MED12L: variants seen among roughly 807,000 people sequenced by gnomAD.
MED12L encodes the protein mediator complex subunit 12L, also known as mediator of RNA polymerase II transcription subunit 12-like protein.
In MED12L, 60 loss-of-function variants were observed where a neutral mutation model predicts 281.3. The observed-to-expected ratio is 0.21, with a 90% CI of 0.17 to 0.26. The LOEUF is 0.26. MED12L is among the 10% of genes least tolerant of loss of function. The pLI, the probability that MED12L is intolerant of heterozygous loss-of-function variation, is 1.00. For synonymous variants in MED12L, 974 were observed against 987.2 expected (o/e 0.99, Z 0.25); for missense variants, 2,146 against 2,680.9 (o/e 0.80, Z 4.41).
chr3:151,329,351 G>A (rs1750085575), intron 16 of MED12L: 5 of 613,902 alleles, frequency 8.1e-6, no homozygotes, highest in Non-Finnish European at 8.7e-6. Flanking sequence ...TCAGATTGCT[G>A]TAAATTATGT....
chr3:151,087,164 G>A (rs1719354635), intron 2 of MED12L, 139 bp downstream of exon 2: 2 of 683,268 alleles, frequency 2.9e-6, no homozygotes, highest in African/African-American at 3.8e-5. Context: ...GGCCAGGCTG[G>A]GGGTGCTGGG....
intron 16 of MED12L, among the ~76,000 whole-genome samples, chr3:151,333,741 A>G (rs1425731272): frequency 1.3e-5 from 2 of 152,200 alleles, no homozygotes; most frequent in East Asian, 3.8e-4. Flanking sequence ...TAATATTTTC[A>G]AATAGTTTTC....
intron 2 of MED12L, among the ~76,000 whole-genome samples, chr3:151,087,748 A>G (rs1286783606): frequency 6.6e-6 from 1 of 152,206 alleles, no homozygotes. Flanking sequence ...CACCAGCTAC[A>G]TTAGCTTCAA....
Position 151,367,668 on chromosome 3 carries a change from A to G in MED12L, c.3350A>G (p.Asp1117Gly), listed in dbSNP as rs1331623308. ...TVDVSDLSFH[D>G]SLATFIAILI... Reference sequence around the variant, plus strand: ...AAGGTGAGTGACCTTTCATTCCATGATTCATTAGCTACTTTCATTGCTATT... The same window carrying G: ...AAGGTGAGTGACCTTTCATTCCATGGTTCATTAGCTACTTTCATTGCTATT... The change falls in exon 24 of 45, where the codon GAT becomes GGT. Residue 1117 changes from aspartate to glycine, a missense_variant. Physicochemically the swap from Asp to Gly is moderately conservative, Grantham distance 94. This residue lies in a region of MED12L where 404 missense variants were observed against 603.5 expected (regional missense o/e 0.67). Coordinates refer to ENST00000687756, the MANE Select transcript of MED12L (RefSeq NM_001393769.1). The G allele has an allele frequency of 6.2e-7, 1 of 1,607,966 alleles. No individual in the cohort carries two copies. Among genetic ancestry groups the G allele is most frequent in the Admixed American group, 1.7e-5 (1 of 59,450 alleles).
At chr3:151,232,028 G>T (rs1731775919) in intron 16 of MED12L, among the ~76,000 whole-genome samples, 1 of 152,090 alleles carries the variant, frequency 6.6e-6, no homozygotes, top group African/African-American at 2.4e-5. Flanking sequence ...TGGTTTTGAG[G>T]GAAGGGTCCT....
At chr3:151,233,052 A>C (rs1172585818) in intron 16 of MED12L, among the ~76,000 whole-genome samples, 2 of 152,242 alleles carry the variant, frequency 1.3e-5, no homozygotes, top group Non-Finnish European at 2.9e-5. Context: ...AAAAAACACC[A>C]ACATTGTCCC....
At chr3:151,319,531 T>A (rs1748741400) in intron 16 of MED12L, among the ~76,000 whole-genome samples, 1 of 151,306 alleles carries the variant, frequency 6.6e-6, no homozygotes, top group South Asian at 2.1e-4. Flanking sequence ...CTTTAAAAAA[T>A]TTTGTTTTGT....
intron 16 of MED12L, among the ~76,000 whole-genome samples, chr3:151,270,933 AAAGAT>A (rs1224447489): frequency 6.6e-6 from 1 of 152,152 alleles, no homozygotes; most frequent in Non-Finnish European, 1.5e-5. Flanking sequence ...ACTGGAAAGG[AAAGAT>A]GACACTTAGT....
intron 16 of MED12L, among the ~76,000 whole-genome samples, chr3:151,249,406 G>T (rs1736409617): frequency 6.6e-6 from 1 of 152,154 alleles, no homozygotes; most frequent in Non-Finnish European, 1.5e-5. Context: ...TAAAACATCT[G>T]CACGTTTCCT....
intron 4 of MED12L, among the ~76,000 whole-genome samples, chr3:151,126,376 G>T (rs1481654191): frequency 6.6e-6 from 1 of 152,142 alleles, no homozygotes; most frequent in Non-Finnish European, 1.5e-5. Flanking sequence ...AACCCAGGCA[G>T]CTTTTCCTTC....
At chr3:151,163,839 T>G (rs1720329384) in intron 8 of MED12L, 54 bp from the exon 9 acceptor site, 4 of 1,563,408 alleles carry the variant, frequency 2.6e-6, no homozygotes, top group Non-Finnish European at 3.5e-6. Context: ...GTTTAGCTAT[T>G]GTTATGCTTT....
At chr3:151,200,845 G>A (rs1725459062) in intron 16 of MED12L, 1 of 152,168 alleles carries the variant, frequency 6.6e-6, no homozygotes, top group African/African-American at 2.4e-5. Context: ...ATTTCCATAA[G>A]CTAGGTGTTG....
chr3:151,209,583 C>T lies in MED12L; in HGVS notation c.2250+15917C>T, dbSNP rs370390975. ...ACACACTACCAAACACACAAACCCT[C>T]ACAGTGCTGCTTACCCGAAAGAAAT... is the stretch of plus-strand genomic sequence containing the variant. On this transcript the variant is annotated intron_variant, in intron 16 of 44. Transcript: ENST00000687756. 7.2e-5 allele frequency among the ~76,000 whole-genome samples: 11 copies of T among 152,204 alleles called. No individual in the cohort carries two copies. In the East Asian group the frequency reaches 2.1e-3, roughly 29 times the overall value.
At position 151,311,895 on chromosome 3, in the gene MED12L, G is replaced by A. The variant is rs113238202; in HGVS notation, c.2251-38164G>A. On this transcript the variant is annotated intron_variant, in intron 16 of 44. Transcript: ENST00000687756. ...CAAAAATTAGCCGGGTGTGGTGGCA[G>A]GCACTTGTATTTCCAGCTACTCAGG... is the stretch of plus-strand genomic sequence containing the variant. Among the ~76,000 whole-genome samples the A allele has an allele frequency of 6.8e-3, 1,033 of 152,212 alleles. 9 individuals are homozygous for A. The highest frequency in any genetic ancestry group is 0.023 in the South Asian group (113 of 4,820).
chr3:151,248,679 A>C (rs994720115), intron 16 of MED12L, among the ~76,000 whole-genome samples: 8 of 152,184 alleles, frequency 5.3e-5, no homozygotes, highest in Non-Finnish European at 1.0e-4. Context: ...AAGGATACTT[A>C]CAAGGAAAAT....
intron 16 of MED12L, chr3:151,328,871 T>C: frequency 6.2e-7 from 1 of 1,614,004 alleles, no homozygotes; most frequent in Non-Finnish European, 8.5e-7. Flanking sequence ...AGCCAAAGTA[T>C]TCAGCAGGAT....
At chr3:151,348,402 C>T (rs889435877) in intron 16 of MED12L, among the ~76,000 whole-genome samples, 3 of 140,074 alleles carry the variant, frequency 2.1e-5, no homozygotes, top group African/African-American at 5.4e-5. Context: ...GTAGCAACAA[C>T]GAAAATGGGA....
At chr3:151,427,224 G>T (rs899144181) in intron 43 of MED12L, among the ~76,000 whole-genome samples, 10 of 152,164 alleles carry the variant, frequency 6.6e-5, no homozygotes, top group Admixed American at 5.9e-4. Context: ...TAATGTACGT[G>T]CATGAGAAAA....
chr3:151,299,306 C>CT (rs1745535274), intron 16 of MED12L, among the ~76,000 whole-genome samples: 3 of 151,856 alleles, frequency 2.0e-5, no homozygotes, highest in African/African-American at 7.3e-5. Flanking sequence ...CAGGGCACAG[C>CT]TGCCTAGGTC....
Sources: gnomAD v4.1 joint callset for allele counts (sites outside exome capture counted in the v4.1 genomes callset) on GRCh38, gnomAD v4.1.1 for gene constraint, gnomAD v4.1.1 regional missense constraint, MANE v1.5 for transcripts, NCBI Gene and HGNC (gene_info 2026-07-23, HGNC 2026-07-21) for gene names.